Variants in RAP1B observed in about 807,000 individuals in gnomAD.
The protein encoded by RAP1B is ras-related protein Rap-1b.
In RAP1B, 1 loss-of-function variant was observed where a neutral mutation model predicts 27.5. That is an observed-to-expected ratio of 0.04 (90% CI 0.01 to 0.17). The LOEUF is 0.17. RAP1B is among the 10% of genes least tolerant of loss of function. RAP1B has a pLI of 1.00. For synonymous variants in RAP1B, 75 were observed against 73.1 expected (o/e 1.03, Z -0.13); for missense variants, 84 against 214.8 (o/e 0.39, Z 3.81).
rs1314342597 is a variant in RAP1B at position 68,661,265 on chromosome 12, C to G, written c.*2016C>G. ...TGGGAAAAAAATTAAGCCCAAAAAA[C>G]TGGGACTGTGAAACACTAAAATTAC... On this transcript the variant is annotated 3_prime_UTR_variant, in exon 8 of 8. Coordinates refer to ENST00000250559, the MANE Select transcript of RAP1B (RefSeq NM_001010942.3). 1 of 152,094 alleles carries G rather than the reference C, an allele frequency of 6.6e-6. No individual in the cohort carries two copies. The highest frequency in any genetic ancestry group is 1.9e-4 in the East Asian group (1 of 5,202). The allele number at this position is 152,094 out of a possible 1,614,324, so 9.4% of individuals were successfully genotyped here. A position where few individuals can be genotyped will look rare whatever the true frequency, so the allele number is the denominator to read the frequency against.
At chr12:68,612,550 G>A (rs1386124526) in intron 1 of RAP1B, among the ~76,000 whole-genome samples, 1 of 152,156 alleles carries the variant, frequency 6.6e-6, no homozygotes, top group Non-Finnish European at 1.5e-5. Context: ...TAGTCTATCC[G>A]TAAGAGACAA....
intron 1 of RAP1B, among the ~76,000 whole-genome samples, chr12:68,612,604 T>G (rs550722132): frequency 6.6e-6 from 1 of 152,336 alleles, no homozygotes; most frequent in African/African-American, 2.4e-5. Flanking sequence ...ATTATCATCT[T>G]ACAAAGAATA....
chr12:68,632,125 A>ATTTTTTTTTTTTTTTTTTTTTTTTTTTT (rs1211565843), intron 1 of RAP1B, among the ~76,000 whole-genome samples: 2 of 107,142 alleles, frequency 1.9e-5, no homozygotes, highest in African/African-American at 9.2e-5. Flanking sequence ...TGGGTTTTGG[A>ATTTTTTTTTTTTTTTTTTTTTTTTTTTT]TTTGTTTTTT....
intron 1 of RAP1B, among the ~76,000 whole-genome samples, chr12:68,636,950 G>A (rs1423799355): frequency 6.6e-6 from 1 of 151,896 alleles, no homozygotes; most frequent in Non-Finnish European, 1.5e-5. Flanking sequence ...CACCACACCC[G>A]GCCTGTCCCT....
chr12:68,617,243 T>C (rs1356498205), intron 1 of RAP1B, among the ~76,000 whole-genome samples: 1 of 152,230 alleles, frequency 6.6e-6, no homozygotes, highest in African/African-American at 2.4e-5. Context: ...AAAAGGTATG[T>C]ATGTTGCATC....
chr12:68,667,426 G>A lies in RAP1B; in HGVS notation c.*8177G>A, dbSNP rs1300717270. The A allele has an allele frequency of 6.6e-6, 1 of 152,164 alleles. No homozygotes were observed. Among genetic ancestry groups the A allele is most frequent in the African/African-American group, 2.4e-5 (1 of 41,438 alleles). 9.4% of individuals were successfully genotyped at this position (152,164 alleles called of 1,614,324 possible). A position where few individuals can be genotyped will look rare whatever the true frequency, so the allele number is the denominator to read the frequency against. ...TTAAATGATAAAAACTCATCTGGTT[G>A]GAATGAAGTACACTGAACATTTGAG... On this transcript the variant is annotated 3_prime_UTR_variant, in exon 8 of 8. Transcript: ENST00000250559.
intron 1 of RAP1B, among the ~76,000 whole-genome samples, chr12:68,623,369 C>G (rs948826809): frequency 1.3e-5 from 2 of 152,022 alleles, no homozygotes; most frequent in Non-Finnish European, 2.9e-5. Context: ...TTACAGTGAG[C>G]AGTACTACAG....
chr12:68,655,858 G>A (rs1013122424), intron 5 of RAP1B, among the ~76,000 whole-genome samples: 2 of 152,152 alleles, frequency 1.3e-5, no homozygotes, highest in Non-Finnish European at 2.9e-5. Context: ...TTTAATACAA[G>A]ACTATGAGAA....
In RAP1B at chr12:68,670,161, C is replaced by T. The variant is rs1219248573; in HGVS notation, c.*10912C>T. On this transcript the variant is annotated 3_prime_UTR_variant, in exon 8 of 8. Transcript: ENST00000250559. The stretch of plus-strand genomic sequence containing the variant: ...ATGTTGGTCAGGCTAGTTGCGAACT[C>T]CCAACCTCAGGTCATCTGCCCGCCT... The T allele has an allele frequency of 6.6e-6, 1 of 152,052 alleles. No homozygotes were observed. Among genetic ancestry groups the T allele is most frequent in the Non-Finnish European group, 1.5e-5 (1 of 68,064 alleles). The allele number at this position is 152,052 out of a possible 1,614,324, so 9.4% of individuals were successfully genotyped here. A position where few individuals can be genotyped will look rare whatever the true frequency, so the allele number is the denominator to read the frequency against.
chr12:68,646,070 AAG>A (rs1054178390), intron 1 of RAP1B, among the ~76,000 whole-genome samples: 21 of 152,336 alleles, frequency 1.4e-4, no homozygotes, highest in African/African-American at 4.8e-4. Flanking sequence ...AGCTGGGAAA[AAG>A]AGTCCCAGTC....
intron 1 of RAP1B, among the ~76,000 whole-genome samples, chr12:68,623,377 C>T (rs1355455543): frequency 6.6e-6 from 1 of 152,040 alleles, no homozygotes; most frequent in African/African-American, 2.4e-5. Context: ...AGCAGTACTA[C>T]AGAACTACAG....
At chr12:68,644,856 T>C (rs567305460) in intron 1 of RAP1B, among the ~76,000 whole-genome samples, 1 of 151,566 alleles carries the variant, frequency 6.6e-6, no homozygotes, top group South Asian at 2.1e-4. Flanking sequence ...ACCCGGCTAA[T>C]TTTGTATTTT....
rs1874042319 is a variant in RAP1B, at chr12:68,654,356, G to T, written c.324+104G>T. The T allele has an allele frequency of 8.8e-6, 4 of 453,054 alleles. 1 individual carries two copies. The highest frequency in any genetic ancestry group is 1.3e-5 in the Non-Finnish European group (4 of 297,894). 28.1% of individuals were successfully genotyped at this position (453,054 alleles called of 1,614,324 possible). A position where few individuals can be genotyped will look rare whatever the true frequency, so the allele number is the denominator to read the frequency against. On this transcript the variant is annotated intron_variant, in intron 5 of 7. Coordinates refer to ENST00000250559, the MANE Select transcript of RAP1B (RefSeq NM_001010942.3). The stretch of plus-strand genomic sequence containing the variant: ...TAAAGCTTGTGTATTTTGGTTGGGG[G>T]GGGGGTGTTGGTTTTTTTAAACTTT...
chr12:68,657,871 TCACACACACA>T (rs138840887), intron 7 of RAP1B, among the ~76,000 whole-genome samples: 1 of 145,348 alleles, frequency 6.9e-6, no homozygotes. Flanking sequence ...CATGTGCCAG[TCACACACACA>T]CACACACCCC....
At chr12:68,658,707 C>T (rs981416631) in intron 7 of RAP1B, among the ~76,000 whole-genome samples, 1 of 152,108 alleles carries the variant, frequency 6.6e-6, no homozygotes, top group African/African-American at 2.4e-5. Flanking sequence ...AATTATATAA[C>T]GTGATTGTAA....
chr12:68,641,582 A>G (rs1873005897), intron 1 of RAP1B, among the ~76,000 whole-genome samples: 1 of 152,222 alleles, frequency 6.6e-6, no homozygotes, highest in Non-Finnish European at 1.5e-5. Context: ...TAAATAGCCA[A>G]GTGTAAAAGC....
rs547167925 is a variant in RAP1B at position 68,665,445 on chromosome 12, C to T, written c.*6196C>T. The T allele has an allele frequency of 1.3e-5, 2 of 152,268 alleles. No homozygotes were observed. Among genetic ancestry groups the T allele is most frequent in the South Asian group, 4.1e-4 (2 of 4,832 alleles). The allele number at this position is 152,268 out of a possible 1,614,324, so 9.4% of individuals were successfully genotyped here. Reference sequence around the variant, plus strand: ...AATGAAATTATTTTCGTAAGAATTACTTGGGGTTAAAAATAGTAATAAAAA... The same window carrying T: ...AATGAAATTATTTTCGTAAGAATTATTTGGGGTTAAAAATAGTAATAAAAA... On this transcript the variant is annotated 3_prime_UTR_variant, in exon 8 of 8. Coordinates refer to ENST00000250559, the MANE Select transcript of RAP1B (RefSeq NM_001010942.3).
In RAP1B at chr12:68,664,833, A is replaced by G. The variant is rs918652183; in HGVS notation, c.*5584A>G. On this transcript the variant is annotated 3_prime_UTR_variant, in exon 8 of 8. Coordinates refer to ENST00000250559, the MANE Select transcript of RAP1B (RefSeq NM_001010942.3). The stretch of plus-strand genomic sequence containing the variant: ...TCTAACCATAGGTGATTCTTCTTCC[A>G]TTATCCATACTAAAGCAAGTGACTC... The G allele has an allele frequency of 2.0e-5, 3 of 152,246 alleles. No individual in the cohort carries two copies. The highest frequency in any genetic ancestry group is 4.1e-4 in the South Asian group (2 of 4,832). 9.4% of individuals were successfully genotyped at this position (152,246 alleles called of 1,614,324 possible).
At chr12:68,654,065 CTG>C in intron 4 of RAP1B, 45 bp from the exon 5 acceptor site, 3 of 1,479,984 alleles carry the variant, frequency 2.0e-6, no homozygotes, top group Non-Finnish European at 1.9e-6. Flanking sequence ...GTAAAAATAA[CTG>C]TCAAAACATT....
Sources: gnomAD v4.1 joint callset for allele counts (sites outside exome capture counted in the v4.1 genomes callset) on GRCh38, gnomAD v4.1.1 for gene constraint, MANE v1.5 for transcripts, NCBI Gene and HGNC (gene_info 2026-07-23, HGNC 2026-07-21) for gene names.